ZCCHC7: variants seen among roughly 807,000 people sequenced by gnomAD.
ZCCHC7 encodes zinc finger CCHC domain-containing protein 7.
Under a neutral mutation model 52.0 loss-of-function variants are expected in ZCCHC7, and 35 were observed. That is an observed-to-expected ratio of 0.67 (90% CI 0.51 to 0.89). The LOEUF (loss-of-function observed/expected upper bound fraction) is 0.89. ZCCHC7 is among the 40% of genes least tolerant of loss of function. ZCCHC7 has a pLI of 0.00. For missense variants in ZCCHC7, 574 were observed against 649.1 expected (o/e 0.88, Z 1.26); for synonymous variants, 217 against 221.5 (o/e 0.98, Z 0.18).
chr9:37,241,582 T>C (rs189344615), intron 2 of ZCCHC7, among the ~76,000 whole-genome samples: 1 of 152,008 alleles, frequency 6.6e-6, no homozygotes, highest in East Asian at 1.9e-4. Context: ...TCTCATTTCA[T>C]CTGGAATAAT....
chr9:37,350,987 A>T (rs1323046119), intron 7 of ZCCHC7, among the ~76,000 whole-genome samples: 2 of 152,188 alleles, frequency 1.3e-5, no homozygotes, highest in African/African-American at 4.8e-5. Flanking sequence ...GAGCAATAGG[A>T]TGGGGTGAGT....
intron 2 of ZCCHC7, among the ~76,000 whole-genome samples, chr9:37,168,934 TTTATC>T (rs1440797904): frequency 6.6e-6 from 1 of 152,154 alleles, no homozygotes; most frequent in African/African-American, 2.4e-5. Flanking sequence ...TAAGCAATAC[TTTATC>T]TTAAGTCTAA....
chr9:37,337,484 C>CATTACA (rs2118409656), intron 6 of ZCCHC7, among the ~76,000 whole-genome samples: 1 of 149,708 alleles, frequency 6.7e-6, no homozygotes, highest in East Asian at 2.0e-4. Flanking sequence ...ACTGCATGGG[C>CATTACA]AGACAAGGTC....
upstream of ZCCHC7, chr9:37,120,485 A>T: frequency 2.5e-6 from 1 of 398,592 alleles, no homozygotes; most frequent in Non-Finnish European, 4.4e-6. Flanking sequence ...GGCGGTGACT[A>T]GAGCTGTGTT....
At chr9:37,301,995 G>C (rs1829049596) in intron 2 of ZCCHC7, among the ~76,000 whole-genome samples, 193 bp from the exon 3 acceptor site, 1 of 152,172 alleles carries the variant, frequency 6.6e-6, no homozygotes. Context: ...AGAAAACTGA[G>C]ACTCAGAGAG....
At chr9:37,318,449 G>A (rs548286641) in intron 5 of ZCCHC7, among the ~76,000 whole-genome samples, 2 of 151,386 alleles carry the variant, frequency 1.3e-5, no homozygotes, top group Non-Finnish European at 2.9e-5. Flanking sequence ...CAAGAAGAAC[G>A]AAACTCCATC....
At chr9:37,326,463 T>C (rs1830243771) in intron 5 of ZCCHC7, among the ~76,000 whole-genome samples, 1 of 151,452 alleles carries the variant, frequency 6.6e-6, no homozygotes, top group Non-Finnish European at 1.5e-5. Flanking sequence ...TAAACAGTCT[T>C]TCCTATAGAA....
At chr9:37,221,414 A>G (rs1221440566) in intron 2 of ZCCHC7, among the ~76,000 whole-genome samples, 1 of 152,236 alleles carries the variant, frequency 6.6e-6, no homozygotes, top group East Asian at 1.9e-4. Context: ...TAAATATTTG[A>G]ATAAACAATG....
intron 2 of ZCCHC7, among the ~76,000 whole-genome samples, chr9:37,300,382 A>G (rs887584898): frequency 1.3e-5 from 2 of 152,270 alleles, no homozygotes; most frequent in Non-Finnish European, 2.9e-5. Context: ...TGCTTCATAC[A>G]TGGATCCTTT....
At chr9:37,346,032 C>T (rs959775774) in intron 6 of ZCCHC7, among the ~76,000 whole-genome samples, 1 of 151,774 alleles carries the variant, frequency 6.6e-6, no homozygotes, top group Non-Finnish European at 1.5e-5. Flanking sequence ...GACAGAGTTT[C>T]GCTCTTGTTG....
chr9:37,228,414 A>G (rs1825226911), intron 2 of ZCCHC7, among the ~76,000 whole-genome samples: 1 of 151,576 alleles, frequency 6.6e-6, no homozygotes, highest in African/African-American at 2.4e-5. Context: ...ACAGGGTCTC[A>G]CTCTGTCACC....
rs182647954 is a variant in ZCCHC7, at chr9:37,211,976, G to A, written c.610+85034G>A. ...CCGGAGGCGGAGCTTGCAGTGAGCC[G>A]AGATGGCGCCACTGCACTCCAGCCT... On this transcript the variant is annotated intron_variant, in intron 2 of 8. Transcript: ENST00000336755. 1.3e-3 allele frequency among the ~76,000 whole-genome samples: 172 copies of A among 132,210 alleles called. 1 individual carries two copies. The East Asian group carries it at 0.023, about 18-fold the overall frequency. The allele number at this position is 132,210 out of a possible 152,430, so 86.7% of individuals were successfully genotyped here. A position where few individuals can be genotyped will look rare whatever the true frequency, so the allele number is the denominator to read the frequency against.
At chr9:37,155,470 C>A (rs980412096) in intron 2 of ZCCHC7, among the ~76,000 whole-genome samples, 2 of 152,058 alleles carry the variant, frequency 1.3e-5, no homozygotes, top group African/African-American at 2.4e-5. Context: ...TTACATTTGA[C>A]AATAATTTTT....
intron 6 of ZCCHC7, among the ~76,000 whole-genome samples, chr9:37,341,352 A>G (rs1255378161): frequency 6.6e-6 from 1 of 152,222 alleles, no homozygotes; most frequent in Non-Finnish European, 1.5e-5. Context: ...AACAAGAGCT[A>G]AATCATATTG....
intron 2 of ZCCHC7, among the ~76,000 whole-genome samples, chr9:37,197,651 C>T (rs1823358424): frequency 6.6e-6 from 1 of 152,142 alleles, no homozygotes; most frequent in African/African-American, 2.4e-5. Context: ...GTAAAACAAT[C>T]CATCCTGTAA....
intron 2 of ZCCHC7, among the ~76,000 whole-genome samples, chr9:37,241,403 C>T (rs1441488749): frequency 6.6e-6 from 1 of 151,780 alleles, no homozygotes; most frequent in African/African-American, 2.4e-5. Context: ...AATGCCATAG[C>T]AAAGCACGAT....
chr9:37,281,062 C>T (rs1827936370), intron 2 of ZCCHC7, among the ~76,000 whole-genome samples: 1 of 152,128 alleles, frequency 6.6e-6, no homozygotes, highest in Middle Eastern at 3.2e-3. Context: ...GATACTAACT[C>T]TAAGTAGAGT....
intron 2 of ZCCHC7, among the ~76,000 whole-genome samples, chr9:37,267,581 T>C (rs1480912050): frequency 1.4e-5 from 2 of 146,052 alleles, no homozygotes; most frequent in Admixed American, 6.8e-5. Context: ...TTTTTTTTTT[T>C]TTTTTTGAGA....
intron 5 of ZCCHC7, chr9:37,326,306 C>T (rs1364443234): frequency 6.6e-6 from 1 of 151,954 alleles, no homozygotes; most frequent in Non-Finnish European, 1.5e-5. Context: ...TGATCTTTGC[C>T]TTATGAATCA....
Sources: gnomAD v4.1 joint callset for allele counts (sites outside exome capture counted in the v4.1 genomes callset) on GRCh38, gnomAD v4.1.1 for gene constraint, MANE v1.5 for transcripts, NCBI Gene and HGNC (gene_info 2026-07-23, HGNC 2026-07-21) for gene names.